NXPH1: variants seen among roughly 807,000 people sequenced by gnomAD.
NXPH1 encodes the protein neurexophilin-1.
NXPH1 carries 5 observed loss-of-function variants against 23.7 expected under a neutral mutation model. The ratio of observed to expected loss-of-function variants is 0.21; its 90% confidence interval spans 0.11 to 0.44. The LOEUF is 0.44. Ranked by LOEUF, NXPH1 falls within the 20% of genes least tolerant of loss-of-function variation. The probability of loss-of-function intolerance (pLI) is 0.99; values close to 1 mark genes in which losing one functional copy is unlikely to be tolerated. For missense variants in NXPH1, 324 were observed against 321.6 expected (o/e 1.01, Z -0.06); for synonymous variants, 144 against 122.2 (o/e 1.18, Z -1.18).
intron 2 of NXPH1, among the ~76,000 whole-genome samples, chr7:8,714,255 G>A (rs1456950848): frequency 6.6e-6 from 1 of 151,948 alleles, no homozygotes; most frequent in Non-Finnish European, 1.5e-5. Flanking sequence ...GGCTACCACT[G>A]GTATTCACTT....
At chr7:8,563,252 G>C (rs1818479088) in intron 2 of NXPH1, among the ~76,000 whole-genome samples, 1 of 151,664 alleles carries the variant, frequency 6.6e-6, no homozygotes, top group African/African-American at 2.4e-5. Flanking sequence ...TACTTAATTA[G>C]GAGAAGAAAA....
chr7:8,691,188 C>T (rs1821215902), intron 2 of NXPH1, among the ~76,000 whole-genome samples: 1 of 151,990 alleles, frequency 6.6e-6, no homozygotes, highest in African/African-American at 2.4e-5. Flanking sequence ...TCTTGTTGCC[C>T]AGGCTGGAGT....
chr7:8,550,708 A>G (rs972391963), intron 2 of NXPH1, among the ~76,000 whole-genome samples: 1 of 151,632 alleles, frequency 6.6e-6, no homozygotes, highest in African/African-American at 2.4e-5. Context: ...ATTTACAGCT[A>G]TAGTTATATC....
chr7:8,483,429 C>G (rs540080721), intron 2 of NXPH1, among the ~76,000 whole-genome samples: 51 of 152,168 alleles, frequency 3.4e-4, no homozygotes, highest in Admixed American at 1.4e-3. Context: ...CTCCCAGGCT[C>G]AAGCGGTCTA....
At chr7:8,734,973 A>T (rs1426236185) in intron 2 of NXPH1, among the ~76,000 whole-genome samples, 1 of 152,136 alleles carries the variant, frequency 6.6e-6, no homozygotes, top group Non-Finnish European at 1.5e-5. Flanking sequence ...AATGCTTGTG[A>T]TTTTTGCACA....
chr7:8,730,099 C>T (rs1780123936), intron 2 of NXPH1, among the ~76,000 whole-genome samples: 1 of 151,726 alleles, frequency 6.6e-6, no homozygotes, highest in African/African-American at 2.4e-5. Flanking sequence ...ATGTAATGGC[C>T]TTCTTTGTCT....
At chr7:8,630,687 C>A (rs768013876) in intron 2 of NXPH1, among the ~76,000 whole-genome samples, 1 of 152,282 alleles carries the variant, frequency 6.6e-6, no homozygotes, top group East Asian at 1.9e-4. Context: ...TTTGATACTA[C>A]TGAGCCAAAG....
rs182955696 is a variant in NXPH1, at chr7:8,495,768, A to G, written c.54+60001A>G. On this transcript the variant is annotated intron_variant, in intron 2 of 2. Transcript: ENST00000405863. Reference sequence around the variant, plus strand: ...AGAGAATCTGAAATATGTTCCTTGCATGTGGGAGAAAGACTTAGAGGACTG... The same window carrying G: ...AGAGAATCTGAAATATGTTCCTTGCGTGTGGGAGAAAGACTTAGAGGACTG... Among the ~76,000 whole-genome samples, 135 of 152,128 alleles carry G rather than the reference A, an allele frequency of 8.9e-4. 1 individual carries two copies. The highest frequency in any genetic ancestry group is 3.1e-3 in the African/African-American group (129 of 41,548).
At chr7:8,735,753 A>G (rs972757006) in intron 2 of NXPH1, among the ~76,000 whole-genome samples, 6 of 152,166 alleles carry the variant, frequency 3.9e-5, no homozygotes, top group African/African-American at 1.4e-4. Flanking sequence ...GCTACTGTGA[A>G]TTCATCTGGT....
At chr7:8,461,602 G>T (rs533188474) in intron 2 of NXPH1, among the ~76,000 whole-genome samples, 1 of 150,672 alleles carries the variant, frequency 6.6e-6, no homozygotes, top group Non-Finnish European at 1.5e-5. Flanking sequence ...AGGCCGAGGC[G>T]GGTGGATCAT....
chr7:8,655,605 T>TGC (rs1820569139), intron 2 of NXPH1, among the ~76,000 whole-genome samples: 1 of 150,788 alleles, frequency 6.6e-6, no homozygotes, highest in Non-Finnish European at 1.5e-5. Context: ...TGTTTATGTG[T>TGC]GTGTGATGGT....
intron 2 of NXPH1, among the ~76,000 whole-genome samples, chr7:8,703,927 C>T (rs77320979): frequency 0.056 from 8,460 of 152,030 alleles, 536 homozygotes; most frequent in East Asian, 0.17. Context: ...CTTCCAGACC[C>T]AGAACTAGAA....
intron 2 of NXPH1, among the ~76,000 whole-genome samples, chr7:8,628,860 A>C (rs1820059276): frequency 6.6e-6 from 1 of 151,636 alleles, no homozygotes; most frequent in Non-Finnish European, 1.5e-5. Flanking sequence ...ATTTTATGAA[A>C]GCTGCATTTT....
At chr7:8,471,423 G>T (rs187324397) in intron 2 of NXPH1, among the ~76,000 whole-genome samples, 206 of 152,276 alleles carry the variant, frequency 1.4e-3, no homozygotes, top group Non-Finnish European at 2.2e-3. Context: ...GGGTTGGAAG[G>T]ACAGAGGGTT....
At chr7:8,693,535 T>C (rs1821255041) in intron 2 of NXPH1, among the ~76,000 whole-genome samples, 1 of 152,240 alleles carries the variant, frequency 6.6e-6, no homozygotes, top group Non-Finnish European at 1.5e-5. Flanking sequence ...CTTTTAAAAC[T>C]TTGTTTCCTC....
rs1197059916 is a variant in NXPH1 at position 8,721,916 on chromosome 7, T to A, written c.55-29092T>A. Reference sequence around the variant, plus strand: ...AATTAATGATACACTTAGAATATGCTATTTAATTTCACCACCCCCATGGCA... The same window carrying A: ...AATTAATGATACACTTAGAATATGCAATTTAATTTCACCACCCCCATGGCA... On this transcript the variant is annotated intron_variant, in intron 2 of 2. Transcript: ENST00000405863. Among the ~76,000 whole-genome samples the A allele has an allele frequency of 9.2e-5, 14 of 152,368 alleles. No homozygotes were observed. The East Asian group carries it at 2.7e-3, about 29-fold the overall frequency.
At chr7:8,549,311 T>G (rs1818242993) in intron 2 of NXPH1, among the ~76,000 whole-genome samples, 1 of 151,528 alleles carries the variant, frequency 6.6e-6, no homozygotes, top group Non-Finnish European at 1.5e-5. Context: ...TGAGCCAAAA[T>G]GAAATGTAAT....
At chr7:8,697,923 C>A (rs1482271243) in intron 2 of NXPH1, among the ~76,000 whole-genome samples, 2 of 152,150 alleles carry the variant, frequency 1.3e-5, no homozygotes, top group Non-Finnish European at 2.9e-5. Flanking sequence ...TAGGCAGGAT[C>A]ATTTATGGCC....
intron 2 of NXPH1, among the ~76,000 whole-genome samples, chr7:8,588,817 C>G (rs551531731): frequency 6.6e-6 from 1 of 152,210 alleles, no homozygotes; most frequent in South Asian, 2.1e-4. Flanking sequence ...TTGACATGGA[C>G]AGGGTGCTTA....
Sources: gnomAD v4.1 joint callset for allele counts (sites outside exome capture counted in the v4.1 genomes callset) on GRCh38, gnomAD v4.1.1 for gene constraint, MANE v1.5 for transcripts, NCBI Gene and HGNC (gene_info 2026-07-23, HGNC 2026-07-21) for gene names.